WDR73: variants seen among roughly 807,000 people sequenced by gnomAD.
WDR73 encodes the protein integrator complex assembly factor WDR73.
Under a neutral mutation model 38.2 loss-of-function variants are expected in WDR73, and 30 were observed. The ratio of observed to expected loss-of-function variants is 0.79; its 90% CI spans 0.59 to 1.06. The LOEUF (loss-of-function observed/expected upper bound fraction) is 1.06, where lower values mean the gene tolerates loss of function less well. WDR73 is among the 50% of genes least tolerant of loss of function. The probability of loss-of-function intolerance (pLI) is 0.00; values close to 1 mark genes in which losing one functional copy is unlikely to be tolerated. For synonymous variants in WDR73, 197 were observed against 176.0 expected (o/e 1.12, Z -0.94); for missense variants, 487 against 467.0 (o/e 1.04, Z -0.40).
chr15:84,640,747 G>T lies in WDR73; in HGVS notation c.*2723C>A, dbSNP rs1275694215. The stretch of plus-strand genomic sequence containing the variant: ...AGAATTTAAAATAAAGTGTTCCATA[G>T]ATGTGAACCCTGCGTAGATTATACA... On this transcript the variant is annotated 3_prime_UTR_variant, in exon 8 of 8. Coordinates refer to ENST00000434634, the MANE Select transcript of WDR73 (RefSeq NM_032856.5). 6.6e-6 allele frequency: 1 copy of T among 152,098 alleles called. No homozygotes were observed. Among genetic ancestry groups the T allele is most frequent in the Non-Finnish European group, 1.5e-5 (1 of 68,024 alleles). 9.4% of individuals were successfully genotyped at this position (152,098 alleles called of 1,614,324 possible).
intron 6 of WDR73, 154 bp from the exon 7 acceptor site, chr15:84,645,990 G>C (rs1244272974): frequency 6.5e-7 from 1 of 1,543,020 alleles, no homozygotes; most frequent in African/African-American, 1.4e-5. Context: ...TGCTCAGCTG[G>C]TTGGGTGCTG....
chr15:84,643,578 C>G lies in WDR73; in HGVS notation c.1029G>C (p.Leu343Phe). Residue 343 changes from leucine (L) to phenylalanine (F), a missense_variant, in exon 8 of 8, where the codon TTG becomes TTC. Physicochemically the swap from Leu to Phe is conservative, Grantham distance 22. Coordinates refer to ENST00000434634, the MANE Select transcript of WDR73 (RefSeq NM_032856.5). The part of the protein sequence containing the change: ...LDGNGMDPAP[L>F]VTTHTWHPCR... ...AGGGATGCCAGGTGTGGGTGGTGAC[C>G]AAAGGAGCAGGGTCCATCCCATTTC... 6.2e-7 allele frequency: 1 copy of G among 1,612,132 alleles called. No homozygotes were observed. Among genetic ancestry groups the G allele is most frequent in the Non-Finnish European group, 8.5e-7 (1 of 1,179,188 alleles).
At chr15:84,646,046 G>A (rs750799510) in intron 6 of WDR73, 138 bp downstream of exon 6, 5 of 1,547,218 alleles carry the variant, frequency 3.2e-6, no homozygotes, top group Non-Finnish European at 3.5e-6. Flanking sequence ...AGCCCTTAGA[G>A]GCCAGGGCTT....
Position 84,653,681 on chromosome 15 carries a change from T to C in WDR73, c.60A>G (p.Ala20=). 1 of 1,593,454 alleles carries C rather than the reference T, an allele frequency of 6.3e-7. No individual in the cohort carries two copies. The highest frequency in any genetic ancestry group is 8.5e-7 in the Non-Finnish European group (1 of 1,169,604). ...ESLRLYQDFY[A]FDLSGATRVL... ...CTCGAGTGGCTCCTGACAGGTCGAA[T>C]GCATAGAAATCCTGGTACCTGCACA... Residue 20 remains alanine, a synonymous_variant, in exon 2 of 8, where the codon GCA becomes GCG. Coordinates refer to ENST00000434634, the MANE Select transcript of WDR73 (RefSeq NM_032856.5).
In WDR73 at chr15:84,645,768, C is replaced by T. The variant is rs1301057239; in HGVS notation, c.586G>A (p.Ala196Thr). The T allele has an allele frequency of 6.2e-7, 1 of 1,613,266 alleles. No homozygotes were observed. Among genetic ancestry groups the T allele is most frequent in the Admixed American group, 1.7e-5 (1 of 59,882 alleles). ...TCAACAAGCCCCAGCCGGCCTGAAG[C>T]ACAGCAGAAGGCAAAGGTGTCTGCA... ...LDADTFAFCC[A>T]SGRLGLVDTR... Residue 196 changes from alanine (A) to threonine (T), a missense_variant, in exon 7 of 8, where the codon GCT becomes ACT. Coordinates refer to ENST00000434634, the MANE Select transcript of WDR73 (RefSeq NM_032856.5).
At chr15:84,653,550 G>T (rs749075577) in intron 2 of WDR73, 82 bp downstream of exon 2, 3 of 1,045,734 alleles carry the variant, frequency 2.9e-6, no homozygotes, top group Non-Finnish European at 4.4e-6. Flanking sequence ...AGAAGAGTGG[G>T]TTGGGTCCCT....
intron 7 of WDR73, 137 bp from the exon 8 acceptor site, chr15:84,643,860 T>G (rs1201887596): frequency 3.7e-6 from 4 of 1,070,394 alleles, no homozygotes; most frequent in Non-Finnish European, 5.1e-6. Context: ...CAAGCGATCC[T>G]CCCATCTCAG....
In WDR73 at chr15:84,639,619, G is replaced by A. The variant is rs1291633611; in HGVS notation, c.*3851C>T. 6.6e-6 allele frequency: 1 copy of A among 152,180 alleles called. No homozygotes were observed. Among genetic ancestry groups the A allele is most frequent in the Non-Finnish European group, 1.5e-5 (1 of 68,078 alleles). The allele number at this position is 152,180 out of a possible 1,614,324, so 9.4% of individuals were successfully genotyped here. A position where few individuals can be genotyped will look rare whatever the true frequency, so the allele number is the denominator to read the frequency against. On this transcript the variant is annotated 3_prime_UTR_variant, in exon 8 of 8. Transcript: ENST00000434634. ...AAGAGAGTGTGAAAGACTGCTCAGT[G>A]GCTGGGGTGAGAGTCAAGTCTGGCC...
At chr15:84,654,120 G>T in intron 1 of WDR73, 114 bp downstream of exon 1, 1 of 1,416,638 alleles carries the variant, frequency 7.1e-7, no homozygotes, top group Non-Finnish European at 9.9e-7. Flanking sequence ...CGAGCCCCGA[G>T]GCCACAGCTG....
In WDR73 at chr15:84,639,503, AAC is replaced by A. The variant is rs1189642034; in HGVS notation, c.*3965_*3966del. The A allele has an allele frequency of 6.6e-6, 1 of 152,192 alleles. No individual in the cohort carries two copies. Among genetic ancestry groups the A allele is most frequent in the Non-Finnish European group, 1.5e-5 (1 of 68,042 alleles). The allele number at this position is 152,192 out of a possible 1,614,324, so 9.4% of individuals were successfully genotyped here. A position where few individuals can be genotyped will look rare whatever the true frequency, so the allele number is the denominator to read the frequency against. On this transcript the variant is annotated 3_prime_UTR_variant, in exon 8 of 8. Coordinates refer to ENST00000434634, the MANE Select transcript of WDR73 (RefSeq NM_032856.5). ...TACATCTCCCTTTTGTCTGCCTGCA[AAC>A]AGATTTTCCAATCCATAGGCCCAAA...
Position 84,643,554 on chromosome 15 carries a change from G to C in WDR73, c.1053C>G (p.Pro351=), listed in dbSNP as rs375408080. The C allele has an allele frequency of 1.3e-4, 214 of 1,610,022 alleles. No individual in the cohort carries two copies. The highest frequency in any genetic ancestry group is 2.2e-4 in the Admixed American group (13 of 59,352). ...APLVTTHTWH[P]CRPRTLLSAT... is the part of the protein sequence containing the mutation. Reference sequence around the variant, plus strand: ...CTGATAACAAAGTCCTTGGTCTGCAGGGATGCCAGGTGTGGGTGGTGACCA... The same window carrying C: ...CTGATAACAAAGTCCTTGGTCTGCACGGATGCCAGGTGTGGGTGGTGACCA... The change falls in exon 8 of 8, where the codon CCC becomes CCG. Residue 351 remains proline (P), a synonymous_variant. Coordinates refer to ENST00000434634, the MANE Select transcript of WDR73 (RefSeq NM_032856.5).
intron 2 of WDR73, chr15:84,653,248 A>G (rs950356775): frequency 3.5e-5 from 8 of 227,344 alleles, no homozygotes; most frequent in Non-Finnish European, 7.1e-5. Flanking sequence ...GCTCACTGCA[A>G]CCTCCACCTC....
At chr15:84,653,127 T>C (rs1426866718) in intron 2 of WDR73, 2 of 229,244 alleles carry the variant, frequency 8.7e-6, no homozygotes, top group Non-Finnish European at 1.7e-5. Flanking sequence ...TTGCTTAGGT[T>C]AGTCTCAAAT....
At position 84,652,717 on chromosome 15, in the gene WDR73, G is replaced by T; in HGVS notation, c.195C>A (p.Asn65Lys). The stretch of plus-strand genomic sequence containing the variant: ...CAGCATTTATATTTTAAGTTACCTT[G>T]TTTTCCTTTACAGAAAGTCTGAGAG... ...KLPLRLSVKE[N>K]KGLFPERDFK... The change falls in exon 3 of 8, where the codon AAC becomes AAA. Residue 65 changes from asparagine to lysine, a missense_variant. Transcript: ENST00000434634. 1 of 1,492,518 alleles carries T rather than the reference G, an allele frequency of 6.7e-7. No homozygotes were observed. The highest frequency in any genetic ancestry group is 2.4e-5 in the Admixed American group (1 of 42,248). The allele number at this position is 1,492,518 out of a possible 1,614,324, so 92.5% of individuals were successfully genotyped here.
chr15:84,653,191 G>C (rs1276726729), intron 2 of WDR73: 1 of 199,378 alleles, frequency 5.0e-6, no homozygotes, highest in East Asian at 1.3e-4. Context: ...TGCCCAGCCT[G>C]AAGACTTTTT....
At position 84,652,571 on chromosome 15, in the gene WDR73, T is replaced by C. The variant is rs149946009; in HGVS notation, c.198+143A>G. The C allele has an allele frequency of 8.2e-5, 42 of 510,172 alleles. No homozygotes were observed. In the East Asian group the frequency reaches 1.3e-3, roughly 16 times the overall value. 31.6% of individuals were successfully genotyped at this position (510,172 alleles called of 1,614,324 possible). A position where few individuals can be genotyped will look rare whatever the true frequency, so the allele number is the denominator to read the frequency against. On this transcript the variant is annotated intron_variant, in intron 3 of 7. Transcript: ENST00000434634. ...GCATTTATCTCTGTGCATATGTGCC[T>C]CCCTCTGTTAGACTAGAAGGGCAGG...
chr15:84,648,658 G>A (rs755659280), intron 3 of WDR73, 33 bp from the exon 4 acceptor site: 2 of 1,528,970 alleles, frequency 1.3e-6, no homozygotes, highest in East Asian at 4.5e-5. Context: ...ATCAGAGCCA[G>A]CTCTTCAAAT....
At chr15:84,649,712 C>T (rs182298537) in intron 3 of WDR73, among the ~76,000 whole-genome samples, 22 of 152,208 alleles carry the variant, frequency 1.4e-4, no homozygotes, top group Admixed American at 1.2e-3. Flanking sequence ...TCAGGTGATC[C>T]GCCTGCCTCA....
chr15:84,644,338 T>A (rs1438931576), intron 7 of WDR73: 1 of 152,470 alleles, frequency 6.6e-6, no homozygotes, highest in Non-Finnish European at 1.5e-5. Flanking sequence ...ACTCATTCCA[T>A]CCTGCCATCT....
Sources: gnomAD v4.1 joint callset for allele counts (sites outside exome capture counted in the v4.1 genomes callset) on GRCh38, gnomAD v4.1.1 for gene constraint, MANE v1.5 for transcripts, NCBI Gene and HGNC (gene_info 2026-07-23, HGNC 2026-07-21) for gene names.